Variants in PTPRD observed in about 807,000 individuals in gnomAD.
The protein encoded by PTPRD is protein tyrosine phosphatase receptor type D, also known as receptor-type tyrosine-protein phosphatase delta.
A neutral mutation model predicts 214.5 loss-of-function variants in PTPRD; 34 were observed. The observed-to-expected ratio is 0.16, with a 90% CI of 0.12 to 0.21. The LOEUF (loss-of-function observed/expected upper bound fraction) is 0.21, where lower values mean the gene tolerates loss of function less well. PTPRD is among the 10% of genes least tolerant of loss of function. The pLI is 1.00. For missense variants in PTPRD, 2,545 were observed against 2,398.7 expected, an observed-to-expected ratio of 1.06 and a Z score of -1.27; for synonymous variants, 1,128 against 845.7, an observed-to-expected ratio of 1.33 and a Z score of -5.79.
intron 3 of PTPRD, among the ~76,000 whole-genome samples, chr9:10,147,619 T>C (rs939571747): frequency 2.0e-5 from 3 of 152,094 alleles, no homozygotes; most frequent in Non-Finnish European, 2.9e-5. Flanking sequence ...GCGGCTCATG[T>C]CTGTAATCCC....
intron 14 of PTPRD, among the ~76,000 whole-genome samples, chr9:8,602,473 C>G (rs2094927971): frequency 6.6e-6 from 1 of 152,150 alleles, no homozygotes; most frequent in Non-Finnish European, 1.5e-5. Flanking sequence ...TACCAGAGAC[C>G]ATTGTTTCAT....
At chr9:10,257,669 C>G (rs867906552) in intron 3 of PTPRD, among the ~76,000 whole-genome samples, 34 of 152,308 alleles carry the variant, frequency 2.2e-4, no homozygotes, top group African/African-American at 7.5e-4. Context: ...GGAGAGACAT[C>G]TGACCCCACC....
At chr9:9,471,403 G>C (rs1379939233) in intron 8 of PTPRD, among the ~76,000 whole-genome samples, 1 of 152,064 alleles carries the variant, frequency 6.6e-6, no homozygotes, top group Non-Finnish European at 1.5e-5. Context: ...TTTCATTGGT[G>C]ACTTAATAAG....
At chr9:9,448,721 T>C (rs536121285) in intron 8 of PTPRD, among the ~76,000 whole-genome samples, 51 of 152,196 alleles carry the variant, frequency 3.4e-4, no homozygotes, top group Non-Finnish European at 6.6e-4. Context: ...AATGGAGTCC[T>C]TTAAGACCAG....
rs138605858 is a variant in PTPRD, at chr9:8,690,792, T to G, written c.64+42988A>C. Among the ~76,000 whole-genome samples, 17 of 152,280 alleles carry G rather than the reference T, an allele frequency of 1.1e-4. No homozygotes were observed. The East Asian group carries it at 3.3e-3, about 29-fold the overall frequency. ...AAACTAAGAAAACTCTTTTAGCAAC[T>G]TAAAAATATACAGGACATTACTTAA... On this transcript the variant is annotated intron_variant, in intron 12 of 45. Coordinates refer to ENST00000381196, the MANE Select transcript of PTPRD (RefSeq NM_002839.4).
intron 7 of PTPRD, among the ~76,000 whole-genome samples, chr9:9,607,587 A>T (rs1044683215): frequency 4.6e-5 from 7 of 152,132 alleles, no homozygotes; most frequent in African/African-American, 1.7e-4. Context: ...TCTATCCAGA[A>T]ATATCAGGAA....
chr9:8,331,527 G>GACA, intron 44 of PTPRD, 55 bp downstream of exon 44: 1 of 1,575,284 alleles, frequency 6.3e-7, no homozygotes, highest in Non-Finnish European at 8.6e-7. Flanking sequence ...AGTGTATACA[G>GACA]ACAATGAAGA....
chr9:9,932,240 G>T (rs948722785), intron 5 of PTPRD, among the ~76,000 whole-genome samples: 3 of 150,948 alleles, frequency 2.0e-5, no homozygotes, highest in Non-Finnish European at 4.4e-5. Flanking sequence ...TAACTTTGAC[G>T]AGCTGAGAGA....
chr9:9,522,226 C>G (rs900153545), intron 8 of PTPRD, among the ~76,000 whole-genome samples: 1 of 148,576 alleles, frequency 6.7e-6, no homozygotes, highest in Admixed American at 6.7e-5. Flanking sequence ...AAGTTGACAA[C>G]CTTTAATTTA....
intron 39 of PTPRD, among the ~76,000 whole-genome samples, chr9:8,356,654 A>C (rs990648909): frequency 6.6e-6 from 1 of 152,202 alleles, no homozygotes; most frequent in African/African-American, 2.4e-5. Flanking sequence ...CTTTGGTAGT[A>C]ATTTTAATTC....
At chr9:10,430,274 T>C (rs2154520285) in intron 2 of PTPRD, among the ~76,000 whole-genome samples, 1 of 152,070 alleles carries the variant, frequency 6.6e-6, no homozygotes, top group Non-Finnish European at 1.5e-5. Context: ...ATATTGATCC[T>C]TTTATCTCAA....
At chr9:9,788,639 C>G (rs1363880238) in intron 5 of PTPRD, among the ~76,000 whole-genome samples, 1 of 149,914 alleles carries the variant, frequency 6.7e-6, no homozygotes, top group South Asian at 2.1e-4. Flanking sequence ...CCCGTAGACA[C>G]AGTATATAAT....
intron 11 of PTPRD, among the ~76,000 whole-genome samples, chr9:8,803,299 T>A (rs2096608463): frequency 6.6e-6 from 1 of 152,112 alleles, no homozygotes; most frequent in Admixed American, 6.5e-5. Flanking sequence ...AATAATAATG[T>A]ATACCATAAT....
intron 11 of PTPRD, among the ~76,000 whole-genome samples, chr9:9,014,055 G>C (rs1314472089): frequency 1.3e-5 from 2 of 151,980 alleles, no homozygotes; most frequent in African/African-American, 2.4e-5. Context: ...ACTTGTTGTA[G>C]ATAACACCAT....
chr9:8,697,067 T>C (rs975392288), intron 12 of PTPRD, among the ~76,000 whole-genome samples: 4 of 152,198 alleles, frequency 2.6e-5, no homozygotes, highest in African/African-American at 9.6e-5. Flanking sequence ...TTGCTTCCAC[T>C]AAATAAGCAC....
At chr9:9,142,015 T>A (rs1018231394) in intron 10 of PTPRD, among the ~76,000 whole-genome samples, 1 of 152,240 alleles carries the variant, frequency 6.6e-6, no homozygotes, top group Admixed American at 6.5e-5. Flanking sequence ...ATAGCGATTA[T>A]CTTAGTAGAG....
At chr9:8,981,789 G>C (rs1422745890) in intron 11 of PTPRD, among the ~76,000 whole-genome samples, 1 of 151,864 alleles carries the variant, frequency 6.6e-6, no homozygotes, top group African/African-American at 2.4e-5. Context: ...TATGCAAAAA[G>C]GCAATGTGAT....
intron 2 of PTPRD, among the ~76,000 whole-genome samples, chr9:10,398,018 C>T (rs1369445049): frequency 6.6e-6 from 1 of 151,614 alleles, no homozygotes; most frequent in Non-Finnish European, 1.5e-5. Context: ...CATTGTTCTA[C>T]CATCTCTCAA....
intron 4 of PTPRD, among the ~76,000 whole-genome samples, chr9:10,007,241 T>G (rs890701561): frequency 1.3e-5 from 2 of 152,006 alleles, no homozygotes; most frequent in Non-Finnish European, 2.9e-5. Flanking sequence ...TTTTGCTTCA[T>G]TTTTATTACT....
Sources: allele counts gnomAD v4.1 joint callset (sites outside exome capture counted in the v4.1 genomes callset), GRCh38; gene constraint gnomAD v4.1.1; transcripts MANE v1.5; gene names NCBI Gene and HGNC (gene_info 2026-07-23, HGNC 2026-07-21).